The following ALG12 variants were observed in gnomAD, a reference collection of about 807,000 sequenced individuals.
ALG12 encodes ALG12 alpha-1,6-mannosyltransferase.
A neutral mutation model predicts 46.0 loss-of-function variants in ALG12; 36 were observed. The ratio of observed to expected loss-of-function variants is 0.78; its 90% CI spans 0.60 to 1.03. The LOEUF (loss-of-function observed/expected upper bound fraction) is 1.03. ALG12 is among the 50% of genes least tolerant of loss of function. The pLI, the probability that ALG12 is intolerant of heterozygous loss-of-function variation, is 0.00. For synonymous variants in ALG12, 326 were observed against 291.6 expected, an observed-to-expected ratio of 1.12 and a Z score of -1.20; for missense variants, 599 against 633.5, an observed-to-expected ratio of 0.95 and a Z score of 0.58.
chr22:49,901,618 G>A lies in ALG12; in HGVS notation c.*2220C>T, dbSNP rs955559874. 2.1e-5 allele frequency: 3 copies of A among 146,090 alleles called. No individual in the cohort carries two copies. The highest frequency in any genetic ancestry group is 2.2e-4 in the South Asian group (1 of 4,616). 9.0% of individuals were successfully genotyped at this position (146,090 alleles called of 1,614,324 possible). A position where few individuals can be genotyped will look rare whatever the true frequency, so the allele number is the denominator to read the frequency against. The stretch of plus-strand genomic sequence containing the variant: ...GCACCTGTGCATTGTGTGTGTGCAT[G>A]CGTGGTGGGTATGTATGGTGTGTGC... On this transcript the variant is annotated 3_prime_UTR_variant, in exon 10 of 10. Coordinates refer to ENST00000330817, the MANE Select transcript of ALG12 (RefSeq NM_024105.4).
the ALG12 span, among the ~76,000 whole-genome samples, chr22:49,882,277 C>T: frequency 3.3e-5 from 5 of 152,128 alleles, no homozygotes; most frequent in Non-Finnish European, 5.9e-5. Flanking sequence ...TTGTGGTGGG[C>T]GCATTGGCTC....
the ALG12 span, chr22:49,889,100 G>A: frequency 6.0e-6 from 1 of 167,208 alleles, no homozygotes; most frequent in Admixed American, 6.5e-5. Context: ...TCATTCAACT[G>A]AGATGAAGTG....
chr22:49,871,580 AG>A, the ALG12 span, among the ~76,000 whole-genome samples: 4 of 152,090 alleles, frequency 2.6e-5, no homozygotes, highest in African/African-American at 9.7e-5. Flanking sequence ...ATTTTTAAAA[AG>A]CTTGTTGCTG....
intron 6 of ALG12, 34 bp downstream of exon 6, chr22:49,909,210 C>T (rs1221709852): frequency 6.2e-7 from 1 of 1,600,288 alleles, no homozygotes; most frequent in Middle Eastern, 1.7e-4. Context: ...GCAGGTCCCA[C>T]CCATCGCCCT....
the ALG12 span, among the ~76,000 whole-genome samples, chr22:49,868,880 G>A: frequency 6.6e-6 from 1 of 151,186 alleles, no homozygotes; most frequent in Non-Finnish European, 1.5e-5. Flanking sequence ...GGGAGGCCAA[G>A]GCAGGCGGAT....
At chr22:49,886,697 A>G in the ALG12 span, 1 of 1,613,204 alleles carries the variant, frequency 6.2e-7, no homozygotes, top group Non-Finnish European at 8.5e-7. The surrounding 1 kb of genome is among the most constrained non-coding windows in gnomAD (Gnocchi z 7.7). Flanking sequence ...GATCCTCGCT[A>G]CAAGGCCTCC....
At chr22:49,862,980 G>A in the ALG12 span, among the ~76,000 whole-genome samples, 2 of 152,064 alleles carry the variant, frequency 1.3e-5, no homozygotes, top group Admixed American at 6.5e-5. Context: ...GGGATTACAG[G>A]TGTGAGCCAC....
At chr22:49,916,938 G>A (rs1354532258) in intron 1 of ALG12, among the ~76,000 whole-genome samples, 1 of 152,212 alleles carries the variant, frequency 6.6e-6, no homozygotes, top group Non-Finnish European at 1.5e-5. Context: ...TCAGCTGTGG[G>A]GTGAAAACAT....
Position 49,910,590 on chromosome 22 carries a change from G to A in ALG12, c.313C>T (p.Leu105Phe), listed in dbSNP as rs1234108444. Reference sequence around the variant, plus strand: ...GTCCAGAGTCCAAAAATCACGCCGAGTCCAAGCACTCCTCTAACTAAACAA... The same window carrying A: ...GTCCAGAGTCCAAAAATCACGCCGAATCCAAGCACTCCTCTAACTAAACAA... ...SQLIVRGVLG[L>F]GVIFGLWTLQ... Residue 105 changes from leucine to phenylalanine, a missense_variant, in exon 4 of 10, where the codon CTC becomes TTC. Physicochemically the swap from Leu to Phe is conservative, Grantham distance 22. Transcript: ENST00000330817. 3 of 1,614,140 alleles carry A rather than the reference G, an allele frequency of 1.9e-6. No individual in the cohort carries two copies. The African/African-American group carries it at 4.0e-5, about 22-fold the overall frequency.
chr22:49,871,110 T>C, the ALG12 span, among the ~76,000 whole-genome samples: 2 of 73,404 alleles, frequency 2.7e-5, no homozygotes, highest in African/African-American at 5.6e-5. Context: ...CTGGCTAATA[T>C]ATTTTTTTTT....
chr22:49,902,648 C>CTG lies in ALG12; in HGVS notation c.*1188_*1189dup, dbSNP rs776960704. On this transcript the variant is annotated 3_prime_UTR_variant, in exon 10 of 10. Coordinates refer to ENST00000330817, the MANE Select transcript of ALG12 (RefSeq NM_024105.4). ...ATGCATGGTAATGTGCACGTGTGCA[C>CTG]TGTGTGGTGTGTATGCATGGTGTGT... 2 of 142,404 alleles carry CTG rather than the reference C, an allele frequency of 1.4e-5. No individual in the cohort carries two copies. Among genetic ancestry groups the CTG allele is most frequent in the Admixed American group, 7.1e-5 (1 of 14,114 alleles). 8.8% of individuals were successfully genotyped at this position (142,404 alleles called of 1,614,324 possible).
At chr22:49,899,785 G>GA (rs1338221085), downstream of ALG12, among the ~76,000 whole-genome samples, 1 of 152,084 alleles carries the variant, frequency 6.6e-6, no homozygotes, top group Admixed American at 6.5e-5. Flanking sequence ...AGCAGCTGAG[G>GA]AAACTGTGGC....
At chr22:49,865,699 A>G in the ALG12 span, among the ~76,000 whole-genome samples, 3 of 151,800 alleles carry the variant, frequency 2.0e-5, no homozygotes, top group South Asian at 4.2e-4. Flanking sequence ...TTGGGTCCTC[A>G]TGTTTCTGTT....
rs1410008793 is a variant in ALG12 at position 49,901,088 on chromosome 22, C to T, written c.*2750G>A. Reference sequence around the variant, plus strand: ...GGTTCCCGCCAGCAAATCTCGTACACTTTGAACACCAGGATAATTAAAGAC... The same window carrying T: ...GGTTCCCGCCAGCAAATCTCGTACATTTTGAACACCAGGATAATTAAAGAC... On this transcript the variant is annotated 3_prime_UTR_variant, in exon 10 of 10. Transcript: ENST00000330817. 6.6e-6 allele frequency: 1 copy of T among 152,274 alleles called. No homozygotes were observed. Among genetic ancestry groups the T allele is most frequent in the Non-Finnish European group, 1.5e-5 (1 of 68,058 alleles). The allele number at this position is 152,274 out of a possible 1,614,324, so 9.4% of individuals were successfully genotyped here.
the ALG12 span, chr22:49,883,707 C>T: frequency 1.4e-5 from 23 of 1,604,148 alleles, no homozygotes; most frequent in Non-Finnish European, 1.8e-5. Context: ...ACGGTGATTT[C>T]GTTTCTGATA....
the ALG12 span, among the ~76,000 whole-genome samples, chr22:49,867,803 C>T: frequency 5.9e-5 from 9 of 152,208 alleles, no homozygotes; most frequent in African/African-American, 1.9e-4. Context: ...AAAATATCTT[C>T]AGTGGAAAAT....
At chr22:49,882,290 G>A in the ALG12 span, among the ~76,000 whole-genome samples, 12 of 152,208 alleles carry the variant, frequency 7.9e-5, no homozygotes, top group East Asian at 1.9e-3. Context: ...ATTGGCTCGC[G>A]CATATAACTC....
rs771492281 is a variant in ALG12, at chr22:49,909,900, A to T, written c.658T>A (p.Cys220Ser). Residue 220 changes from cysteine (C) to serine (S), a missense_variant, in exon 5 of 10, where the codon TGT (cysteine) becomes AGT (serine). Physicochemically the swap from Cys to Ser is moderately radical, Grantham distance 112. Coordinates refer to ENST00000330817, the MANE Select transcript of ALG12 (RefSeq NM_024105.4). ...LRHAVPAGIL[C>S]LGLTVAVDSY... ...CCCACAGTGACTGACTTACCTAAAC[A>T]GAGGATCCCTGCCGGGACGGCGTGG... is the stretch of plus-strand genomic sequence containing the variant. The T allele has an allele frequency of 9.3e-6, 15 of 1,614,154 alleles. No individual in the cohort carries two copies. The highest frequency in any genetic ancestry group is 1.3e-5 in the Non-Finnish European group (15 of 1,180,024).
the ALG12 span, among the ~76,000 whole-genome samples, chr22:49,877,432 C>T: frequency 6.6e-6 from 1 of 152,032 alleles, no homozygotes; most frequent in Non-Finnish European, 1.5e-5. Flanking sequence ...GCTATTATTA[C>T]AGATATGTAC....
Sources: gnomAD v4.1 joint callset for allele counts (sites outside exome capture counted in the v4.1 genomes callset) on GRCh38, gnomAD v4.1.1 for gene constraint, Gnocchi (gnomAD v3.1) non-coding constraint, MANE v1.5 for transcripts, NCBI Gene and HGNC (gene_info 2026-07-23, HGNC 2026-07-21) for gene names.